Variants in TDRD6 observed in about 807,000 individuals in gnomAD.
TDRD6 encodes tudor domain containing 6, also known as tudor domain-containing protein 6.
TDRD6 carries 186 observed loss-of-function variants against 157.5 expected under a neutral mutation model. The ratio of observed to expected loss-of-function variants is 1.18; its 90% CI spans 1.05 to 1.33. TDRD6 has a LOEUF of 1.33. TDRD6 is among the 40% of genes most tolerant of loss of function. The pLI is 0.00. For synonymous variants in TDRD6, 1,075 were observed against 945.2 expected (o/e 1.14, Z -2.52); for missense variants, 3,066 against 2,508.0 (o/e 1.22, Z -4.75).
rs779267008 is a variant in TDRD6, at chr6:46,690,020, T to C, written c.1892T>C (p.Ile631Thr). Residue 631 changes from isoleucine to threonine, a missense_variant, in exon 1 of 4, where the codon ATC becomes ACC. Coordinates refer to ENST00000316081, the MANE Select transcript of TDRD6 (RefSeq NM_001010870.3). Reference protein sequence around the residue: ...KKTVLHKELVIHILDKQDHQY... With the variant: ...KKTVLHKELVTHILDKQDHQY... ...ACTGTGCTCCACAAAGAATTAGTCA[T>C]CCATATTCTTGATAAACAGGATCAT... 1.2e-6 allele frequency: 2 copies of C among 1,613,902 alleles called. No homozygotes were observed. The highest frequency in any genetic ancestry group is 1.1e-5 in the South Asian group (1 of 91,064).
chr6:46,688,963 C>T lies in TDRD6; in HGVS notation c.835C>T (p.Leu279Phe), dbSNP rs556357370. ...LRSVSQEIHR[L>F]SESMAQVYRG... ...CAGCGTCTCGCAGGAGATCCACCGCCTCTCCGAGAGCATGGCCCAGGTATA... is the reference window on the plus strand; with the variant it reads ...CAGCGTCTCGCAGGAGATCCACCGCTTCTCCGAGAGCATGGCCCAGGTATA... Residue 279 changes from leucine (L) to phenylalanine (F), a missense_variant, in exon 1 of 4, where the codon CTC (leucine) becomes TTC (phenylalanine). Transcript: ENST00000316081. The T allele has an allele frequency of 1.3e-5, 21 of 1,613,344 alleles. No homozygotes were observed. The African/African-American group carries it at 2.7e-4, about 20-fold the overall frequency.
chr6:46,682,128 A>T, the TDRD6 span, among the ~76,000 whole-genome samples: 1 of 152,106 alleles, frequency 6.6e-6, no homozygotes, highest in Non-Finnish European at 1.5e-5. Context: ...ATATTAGCAA[A>T]TTGAATCCAG....
At chr6:46,683,769 C>A (rs1562048694), upstream of TDRD6, among the ~76,000 whole-genome samples, 1 of 151,968 alleles carries the variant, frequency 6.6e-6, no homozygotes, top group African/African-American at 2.4e-5. Context: ...CATATTGGCT[C>A]ATTTCGTCTT....
chr6:46,688,627 C>T lies in TDRD6; in HGVS notation c.499C>T (p.His167Tyr). The change falls in exon 1 of 4, where the codon CAC becomes TAC. Residue 167 changes from histidine (H) to tyrosine (Y), a missense_variant. Physicochemically the swap from His to Tyr is moderately conservative, Grantham distance 83. Transcript: ENST00000316081. Reference protein sequence around the residue: ...FLSNLQGKEVHGCVLDVLLLH... With the variant: ...FLSNLQGKEVYGCVLDVLLLH... ...TAGCAACCTTCAGGGCAAGGAGGTG[C>T]ACGGGTGCGTCCTGGACGTGCTGCT... 1.3e-6 allele frequency: 2 copies of T among 1,599,208 alleles called. No homozygotes were observed. The highest frequency in any genetic ancestry group is 1.1e-5 in the South Asian group (1 of 91,086).
In TDRD6 at chr6:46,691,450, C is replaced by G. The variant is rs149251330; in HGVS notation, c.3322C>G (p.Pro1108Ala). ...CSLSDIPDHI[P>A]EEVVVWFQET... ...ATTATCTGATATTCCTGATCATATA[C>G]CAGAAGAAGTGGTGGTGTGGTTTCA... The change falls in exon 1 of 4, where the codon CCA becomes GCA. Residue 1108 changes from proline to alanine, a missense_variant. Transcript: ENST00000316081. The G allele has an allele frequency of 1.1e-3, 1,764 of 1,613,918 alleles. 30 individuals carry two copies. The South Asian group carries it at 0.016, about 14-fold the overall frequency.
Position 46,688,535 on chromosome 6 carries a change from C to G in TDRD6, c.407C>G (p.Pro136Arg), listed in dbSNP as rs1454099796. The G allele has an allele frequency of 6.4e-7, 1 of 1,571,422 alleles. No individual in the cohort carries two copies. Among genetic ancestry groups the G allele is most frequent in the Non-Finnish European group, 8.6e-7 (1 of 1,163,782 alleles). ...VLGCVLAGLV[P>R]AGCGAGSGEP... is the part of the protein sequence containing the mutation. ...GGCTGCGTGCTAGCGGGCCTGGTGC[C>G]GGCAGGCTGCGGCGCGGGCTCAGGC... The change falls in exon 1 of 4, where the codon CCG becomes CGG. Residue 136 changes from proline to arginine, a missense_variant. By Grantham distance (103) the Pro-to-Arg change is moderately radical. Coordinates refer to ENST00000316081, the MANE Select transcript of TDRD6 (RefSeq NM_001010870.3).
Position 46,692,793 on chromosome 6 carries a change from A to G in TDRD6, c.4665A>G (p.Gly1555=). ...TAGAAGTAGAAGTACAGACTGCTGG[A>G]GAACAGGTAGCAGACAGGAGAAATT... ...QCLEVEVQTA[G]EQVADRRNCI... The change falls in exon 1 of 4, where the codon GGA becomes GGG. Residue 1555 remains glycine, a synonymous_variant. Transcript: ENST00000316081. 4 of 1,614,186 alleles carry G rather than the reference A, an allele frequency of 2.5e-6. 1 individual carries two copies. Among genetic ancestry groups the G allele is most frequent in the South Asian group, 2.2e-5 (2 of 91,082 alleles).
the TDRD6 span, among the ~76,000 whole-genome samples, chr6:46,682,460 A>T: frequency 6.6e-6 from 1 of 151,994 alleles, no homozygotes; most frequent in Non-Finnish European, 1.5e-5. Flanking sequence ...ATTTTATTCT[A>T]ATCTGTACTG....
rs544824963 is a variant in TDRD6, at chr6:46,691,728, G to A, written c.3600G>A (p.Gly1200=). ...CAGAGTATTTAAGTAAATCAGTAGG[G>A]TACAAGTTACCTAATAAAGAAATTT... ...PCTEYLSKSV[G]YKLPNKEILE... The change falls in exon 1 of 4, where the codon GGG becomes GGA. Residue 1200 remains glycine (G), a synonymous_variant. Coordinates refer to ENST00000316081, the MANE Select transcript of TDRD6 (RefSeq NM_001010870.3). The A allele has an allele frequency of 5.4e-5, 87 of 1,596,406 alleles. No individual in the cohort carries two copies. In the South Asian group the frequency reaches 8.2e-4, roughly 15 times the overall value.
rs1212923482 is a variant in TDRD6, at chr6:46,692,670, T to C, written c.4542T>C (p.Tyr1514=). The change falls in exon 1 of 4, where the codon TAT becomes TAC. Residue 1514 remains tyrosine, a synonymous_variant. Coordinates refer to ENST00000316081, the MANE Select transcript of TDRD6 (RefSeq NM_001010870.3). ...DIDTSVFLNW[Y]NPEKKMIRAY... ...ACACTTCAGTATTTCTTAACTGGTA[T>C]AATCCAGAAAAAAAAATGATAAGAG... 8.1e-6 allele frequency: 13 copies of C among 1,613,648 alleles called. No homozygotes were observed. The East Asian group carries it at 2.7e-4, about 33-fold the overall frequency.
At chr6:46,695,229 C>A (rs1367054578) in intron 1 of TDRD6, among the ~76,000 whole-genome samples, 1 of 152,002 alleles carries the variant, frequency 6.6e-6, no homozygotes, top group Admixed American at 6.5e-5. Flanking sequence ...TTTTTGTTGT[C>A]TTTTACTGTC....
intron 3 of TDRD6, among the ~76,000 whole-genome samples, 173 bp downstream of exon 3, chr6:46,698,260 T>G (rs1245685049): frequency 1.3e-5 from 2 of 152,196 alleles, no homozygotes; most frequent in Non-Finnish European, 2.9e-5. Flanking sequence ...TGCCAAGTAT[T>G]CTTCTGAGAA....
Position 46,688,162 on chromosome 6 carries a change from G to C in TDRD6, c.34G>C (p.Ala12Pro), listed in dbSNP as rs771290114. The C allele has an allele frequency of 6.5e-7, 1 of 1,545,618 alleles. No homozygotes were observed. The change falls in exon 1 of 4, where the codon GCC becomes CCC. Residue 12 changes from alanine (A) to proline (P), a missense_variant. Ala to Pro is a conservative substitution (Grantham distance 27, BLOSUM62 -1). Transcript: ENST00000316081. ...GACGCCCGGAATGCCGGCGCCGGGG[G>C]CCTCGCTGGCCCTGCGGGTGTCCTT... ...CSTPGMPAPG[A>P]SLALRVSFVD...
chr6:46,693,843 A>G lies in TDRD6; in HGVS notation c.5715A>G (p.Pro1905=). The G allele has an allele frequency of 6.2e-7, 1 of 1,614,228 alleles. No individual in the cohort carries two copies. The highest frequency in any genetic ancestry group is 8.5e-7 in the Non-Finnish European group (1 of 1,180,046). Residue 1905 remains proline (P), a synonymous_variant, in exon 1 of 4, where the codon CCA becomes CCG. Transcript: ENST00000316081. ...LPLSCEAEKQ[P]ELELPTAQLP... is the part of the protein sequence containing the mutation. ...TCAGCTGTGAAGCTGAGAAACAGCC[A>G]GAACTAGAACTACCTACAGCCCAGC...
chr6:46,688,581 C>T lies in TDRD6; in HGVS notation c.453C>T (p.Pro151=). 6.3e-7 allele frequency: 1 copy of T among 1,597,214 alleles called. No homozygotes were observed. The highest frequency in any genetic ancestry group is 1.1e-5 in the South Asian group (1 of 90,892). Residue 151 remains proline (P), a synonymous_variant, in exon 1 of 4, where the codon CCC becomes CCT. Coordinates refer to ENST00000316081, the MANE Select transcript of TDRD6 (RefSeq NM_001010870.3). ...CAGGCGAGCCGCCGCAGCACTGGCCCGCCGACGCCGTGGACTTCCTTAGCA... is the reference window on the plus strand; with the variant it reads ...CAGGCGAGCCGCCGCAGCACTGGCCTGCCGACGCCGTGGACTTCCTTAGCA... The part of the protein sequence containing the change: ...AGSGEPPQHW[P]ADAVDFLSNL...
chr6:46,695,855 T>C lies in TDRD6; in HGVS notation c.6081T>C (p.Phe2027=). The part of the protein sequence containing the change: ...QLQNTYTLKA[F]TVGSKCVVWS... Reference sequence around the variant, plus strand: ...AGAACACCTACACTCTGAAAGCCTTTACTGTTGGATCTAAATGTGTTGTGT... The same window carrying C: ...AGAACACCTACACTCTGAAAGCCTTCACTGTTGGATCTAAATGTGTTGTGT... Residue 2027 remains phenylalanine (F), a synonymous_variant, in exon 2 of 4, where the codon TTT becomes TTC. Transcript: ENST00000316081. 2.5e-6 allele frequency: 4 copies of C among 1,613,730 alleles called. No homozygotes were observed. Among genetic ancestry groups the C allele is most frequent in the Non-Finnish European group, 3.4e-6 (4 of 1,179,752 alleles).
intron 3 of TDRD6, among the ~76,000 whole-genome samples, chr6:46,701,619 A>G (rs762354729): frequency 5.3e-5 from 8 of 152,180 alleles, no homozygotes; most frequent in Non-Finnish European, 8.8e-5. Flanking sequence ...AATATAAAAT[A>G]TGCCAATTTC....
In TDRD6 at chr6:46,690,673, GTAACATT is replaced by G; in HGVS notation, c.2547_2553del (p.Thr850Ter). The G allele has an allele frequency of 6.2e-7, 1 of 1,614,218 alleles. No homozygotes were observed. The highest frequency in any genetic ancestry group is 1.7e-5 in the Admixed American group (1 of 60,024). Reference sequence around the variant, plus strand: ...GATACAGTCTGTGGAGCATGTCAATGTAACATTTGTAGATTATGGAGACAGAGAAATG... The same window carrying G: ...GATACAGTCTGTGGAGCATGTCAATGTGTAGATTATGGAGACAGAGAAATG... On this transcript the variant is annotated frameshift_variant, in exon 1 of 4. Coordinates refer to ENST00000316081, the MANE Select transcript of TDRD6 (RefSeq NM_001010870.3). LOFTEE classifies it high-confidence loss of function.
Position 46,692,798 on chromosome 6 carries a change from A to G in TDRD6, c.4670A>G (p.Gln1557Arg). The change falls in exon 1 of 4, where the codon CAG becomes CGG. Residue 1557 changes from glutamine (Q) to arginine (R), a missense_variant. Physicochemically the swap from Gln to Arg is conservative, Grantham distance 43. Coordinates refer to ENST00000316081, the MANE Select transcript of TDRD6 (RefSeq NM_001010870.3). ...LEVEVQTAGE[Q>R]VADRRNCIPC... ...GTAGAAGTACAGACTGCTGGAGAACAGGTAGCAGACAGGAGAAATTGTATC... is the reference window on the plus strand; with the variant it reads ...GTAGAAGTACAGACTGCTGGAGAACGGGTAGCAGACAGGAGAAATTGTATC... 1.9e-6 allele frequency: 3 copies of G among 1,614,106 alleles called. No individual in the cohort carries two copies.
Sources: allele counts gnomAD v4.1 joint callset (sites outside exome capture counted in the v4.1 genomes callset), GRCh38; gene constraint gnomAD v4.1.1; transcripts MANE v1.5; gene names NCBI Gene and HGNC (gene_info 2026-07-23, HGNC 2026-07-21).